The following CCDC178 variants were observed in gnomAD, a reference collection of about 807,000 sequenced individuals.
CCDC178 encodes coiled-coil domain containing 178.
In CCDC178, 126 loss-of-function variants were observed where a neutral mutation model predicts 117.4. That is an observed-to-expected ratio of 1.07 (90% CI 0.93 to 1.24). CCDC178 has a LOEUF of 1.24. CCDC178 is among the 50% of genes most tolerant of loss of function. CCDC178 has a pLI of 0.00. For synonymous variants in CCDC178, 283 were observed against 313.4 expected, an observed-to-expected ratio of 0.90 and a Z score of 1.02; for missense variants, 1,030 against 986.9, an observed-to-expected ratio of 1.04 and a Z score of -0.59.
At chr18:33,401,779 GAAAT>G (rs1380702833) in intron 3 of CCDC178, among the ~76,000 whole-genome samples, 2 of 151,870 alleles carry the variant, frequency 1.3e-5, no homozygotes, top group African/African-American at 4.8e-5. Context: ...GACACAAAAA[GAAAT>G]AATATATAAA....
intron 20 of CCDC178, among the ~76,000 whole-genome samples, chr18:33,149,981 C>T (rs1446750841): frequency 3.3e-5 from 5 of 152,146 alleles, no homozygotes; most frequent in African/African-American, 1.2e-4. Flanking sequence ...CATTACCTGA[C>T]TTCAAATTAT....
chr18:33,111,513 A>T (rs2057782785), intron 20 of CCDC178, among the ~76,000 whole-genome samples: 1 of 151,554 alleles, frequency 6.6e-6, no homozygotes, highest in Admixed American at 6.6e-5. Flanking sequence ...TTTACTGAAA[A>T]TTTTAAAGGC....
rs148775549 is a variant in CCDC178, at chr18:33,066,901, T to C, written c.2388+25860A>G. Among the ~76,000 whole-genome samples, 198 of 152,180 alleles carry C rather than the reference T, an allele frequency of 1.3e-3. 1 individual carries two copies. Among genetic ancestry groups the C allele is most frequent in the African/African-American group, 4.4e-3 (184 of 41,528 alleles). ...AGAGAGATAGACTCTAATACAGTAA[T>C]ATTTGGAGACTTCAACACCCCACTC... is the stretch of plus-strand genomic sequence containing the variant. On this transcript the variant is annotated intron_variant, in intron 21 of 22. Transcript: ENST00000383096.
At chr18:33,087,472 C>T (rs2057396034) in intron 21 of CCDC178, among the ~76,000 whole-genome samples, 1 of 151,868 alleles carries the variant, frequency 6.6e-6, no homozygotes, top group South Asian at 2.1e-4. Context: ...TTAATGCAAA[C>T]TTATCAGTCT....
At chr18:33,331,459 A>G (rs2062668152) in intron 10 of CCDC178, among the ~76,000 whole-genome samples, 1 of 151,962 alleles carries the variant, frequency 6.6e-6, no homozygotes, top group South Asian at 2.1e-4. Context: ...AGGTTGCTGG[A>G]AGTTTAGTAA....
intron 20 of CCDC178, among the ~76,000 whole-genome samples, chr18:33,153,897 A>G (rs1248485121): frequency 6.6e-6 from 1 of 151,982 alleles, no homozygotes; most frequent in African/African-American, 2.4e-5. Context: ...AGTTACATGG[A>G]AAGATGATTT....
intron 22 of CCDC178, among the ~76,000 whole-genome samples, chr18:32,943,152 A>G (rs1194832146): frequency 6.6e-6 from 1 of 152,150 alleles, no homozygotes; most frequent in African/African-American, 2.4e-5. Context: ...TAGATTAGAG[A>G]GGAAAATAAT....
intron 5 of CCDC178, among the ~76,000 whole-genome samples, chr18:33,386,378 CCAGAGATACAA>C (rs564804894): frequency 2.8e-4 from 42 of 152,048 alleles, no homozygotes; most frequent in Non-Finnish European, 5.6e-4. Context: ...CATCCTGATA[CCAGAGATACAA>C]CAGAGATACA....
At chr18:33,364,808 T>G (rs1230830296) in intron 6 of CCDC178, among the ~76,000 whole-genome samples, 1 of 148,700 alleles carries the variant, frequency 6.7e-6, no homozygotes, top group Non-Finnish European at 1.5e-5. Flanking sequence ...AAAAAAACAT[T>G]GGAGTAGCCA....
intron 21 of CCDC178, among the ~76,000 whole-genome samples, chr18:33,073,743 C>T (rs140279350): frequency 7.1e-4 from 108 of 152,206 alleles, no homozygotes; most frequent in Non-Finnish European, 1.4e-3. Flanking sequence ...TAATAAGTTG[C>T]TCTCTTGTAT....
intron 9 of CCDC178, among the ~76,000 whole-genome samples, chr18:33,344,740 A>G (rs556757810): frequency 7.9e-5 from 12 of 151,362 alleles, no homozygotes; most frequent in Non-Finnish European, 1.8e-4. Flanking sequence ...TCAAGAATCT[A>G]CTGGGATCCA....
chr18:32,982,392 C>T (rs1375715022), intron 21 of CCDC178, among the ~76,000 whole-genome samples: 1 of 151,966 alleles, frequency 6.6e-6, no homozygotes, highest in East Asian at 1.9e-4. Context: ...AAACAAAGAC[C>T]AGTCAATACT....
intron 20 of CCDC178, among the ~76,000 whole-genome samples, chr18:33,099,131 C>G (rs1251863479): frequency 1.3e-5 from 2 of 152,038 alleles, no homozygotes; most frequent in African/African-American, 2.4e-5. Context: ...GAATTAAACT[C>G]TCATAGATAA....
intron 21 of CCDC178, among the ~76,000 whole-genome samples, chr18:33,016,338 A>C (rs2055988929): frequency 6.6e-6 from 1 of 152,122 alleles, no homozygotes; most frequent in South Asian, 2.1e-4. Flanking sequence ...AACAAAAACA[A>C]AACAGATTTT....
chr18:33,088,907 G>T (rs1369163453), intron 21 of CCDC178, among the ~76,000 whole-genome samples: 1 of 152,120 alleles, frequency 6.6e-6, no homozygotes, highest in Non-Finnish European at 1.5e-5. Context: ...TGTGTAATGT[G>T]TTAAATCACT....
intron 5 of CCDC178, among the ~76,000 whole-genome samples, chr18:33,388,537 T>TTTTTTTTTTTTTA: frequency 8.6e-6 from 1 of 115,806 alleles, no homozygotes; most frequent in African/African-American, 3.3e-5. Context: ...TTTTTTTTTT[T>TTTTTTTTTTTTTA]GAGACGGAGT....
intron 22 of CCDC178, among the ~76,000 whole-genome samples, chr18:32,941,672 T>C (rs760732684): frequency 1.3e-5 from 2 of 152,158 alleles, no homozygotes; most frequent in Non-Finnish European, 2.9e-5. Context: ...GACACTTGAC[T>C]GAATGCCAAC....
intron 2 of CCDC178, among the ~76,000 whole-genome samples, chr18:33,418,820 C>A (rs896131496): frequency 1.3e-5 from 2 of 152,134 alleles, no homozygotes; most frequent in Non-Finnish European, 2.9e-5. Context: ...TTATAAAACA[C>A]TGCTGAAAGA....
chr18:33,295,149 A>C (rs1336127003), intron 11 of CCDC178, among the ~76,000 whole-genome samples: 1 of 152,164 alleles, frequency 6.6e-6, no homozygotes, highest in Non-Finnish European at 1.5e-5. Flanking sequence ...TAGACGACCC[A>C]GAAATAGAGC....
Sources: allele counts gnomAD v4.1 joint callset (sites outside exome capture counted in the v4.1 genomes callset), GRCh38; gene constraint gnomAD v4.1.1; transcripts MANE v1.5; gene names NCBI Gene and HGNC (gene_info 2026-07-23, HGNC 2026-07-21).